SEZ6L: variants seen among roughly 807,000 people sequenced by gnomAD.
The protein encoded by SEZ6L is seizure 6-like protein.
SEZ6L carries 37 observed loss-of-function variants against 106.2 expected under a neutral mutation model. That is an observed-to-expected ratio of 0.35 (90% CI 0.27 to 0.46). SEZ6L has a LOEUF of 0.46. Ranked by LOEUF, SEZ6L falls within the 20% of genes least tolerant of loss-of-function variation. The pLI is 1.00. For missense variants in SEZ6L, 1,172 were observed against 1,332.8 expected (o/e 0.88, Z 1.88); for synonymous variants, 541 against 570.4 (o/e 0.95, Z 0.73).
Position 26,224,252 on chromosome 22 carries a change from T to C in SEZ6L, c.94+54489T>C, listed in dbSNP as rs186870583. ...CATGCTGGCTCTCTCAGAGGTTCTATAACCAAGAGGGAGTTAGGGAGATTT... is the reference window on the plus strand; with the variant it reads ...CATGCTGGCTCTCTCAGAGGTTCTACAACCAAGAGGGAGTTAGGGAGATTT... On this transcript the variant is annotated intron_variant, in intron 1 of 16. Transcript: ENST00000248933. Among the ~76,000 whole-genome samples, 588 of 152,308 alleles carry C rather than the reference T, an allele frequency of 3.9e-3. 2 individuals carry two copies. The highest frequency in any genetic ancestry group is 6.2e-3 in the South Asian group (30 of 4,822).
chr22:26,209,099 A>G (rs1299325955), intron 1 of SEZ6L, among the ~76,000 whole-genome samples: 2 of 152,016 alleles, frequency 1.3e-5, no homozygotes, highest in East Asian at 3.9e-4. Context: ...GAGTTTTTAT[A>G]CTTTTTACTT....
intron 1 of SEZ6L, among the ~76,000 whole-genome samples, chr22:26,198,748 C>G (rs1355393008): frequency 6.6e-6 from 1 of 152,216 alleles, no homozygotes; most frequent in Non-Finnish European, 1.5e-5. Context: ...TATAAGGGCT[C>G]TGATCCCATT....
intron 12 of SEZ6L, among the ~76,000 whole-genome samples, chr22:26,354,545 C>T (rs1295709746): frequency 2.0e-5 from 3 of 152,310 alleles, no homozygotes. Flanking sequence ...GTGTCATTCC[C>T]ATTTCCTTCT....
At position 26,380,353 on chromosome 22, in the gene SEZ6L, T is replaced by C; in HGVS notation, c.*58T>C. Reference sequence around the variant, plus strand: ...CTCAACCACAATCTCCTCGAGACATTCATCCAGAGACCATGTGGCACTTGA... The same window carrying C: ...CTCAACCACAATCTCCTCGAGACATCCATCCAGAGACCATGTGGCACTTGA... On this transcript the variant is annotated 3_prime_UTR_variant, in exon 17 of 17. Coordinates refer to ENST00000248933, the MANE Select transcript of SEZ6L (RefSeq NM_021115.5). 1 of 1,434,380 alleles carries C rather than the reference T, an allele frequency of 7.0e-7. No homozygotes were observed. Among genetic ancestry groups the C allele is most frequent in the Non-Finnish European group, 9.8e-7 (1 of 1,017,250 alleles). 88.9% of individuals were successfully genotyped at this position (1,434,380 alleles called of 1,614,324 possible). A position where few individuals can be genotyped will look rare whatever the true frequency, so the allele number is the denominator to read the frequency against.
chr22:26,319,346 T>C (rs1332886840), intron 9 of SEZ6L, among the ~76,000 whole-genome samples: 1 of 152,218 alleles, frequency 6.6e-6, no homozygotes, highest in East Asian at 1.9e-4. Flanking sequence ...TCAGTGATCC[T>C]GTTACAACCG....
In SEZ6L at chr22:26,272,218, T is replaced by C. The variant is rs1351233919; in HGVS notation, c.95-20188T>C. 3.3e-5 allele frequency among the ~76,000 whole-genome samples: 5 copies of C among 152,228 alleles called. No individual in the cohort carries two copies. The East Asian group carries it at 9.6e-4, about 29-fold the overall frequency. On this transcript the variant is annotated intron_variant, in intron 1 of 16. Coordinates refer to ENST00000248933, the MANE Select transcript of SEZ6L (RefSeq NM_021115.5). ...GTGATGGAAATGTTTTGCATATTTA[T>C]CTGGTAGCTATTTATCTAGGTCCTA...
chr22:26,282,656 G>C (rs1044471264), intron 1 of SEZ6L, among the ~76,000 whole-genome samples: 7 of 152,178 alleles, frequency 4.6e-5, no homozygotes, highest in Non-Finnish European at 1.0e-4. Flanking sequence ...GCGGCATCTA[G>C]AGAAAGCTCG....
intron 5 of SEZ6L, among the ~76,000 whole-genome samples, chr22:26,305,491 G>A (rs981443048): frequency 6.6e-6 from 1 of 152,164 alleles, no homozygotes; most frequent in East Asian, 1.9e-4. Flanking sequence ...TATCTTGGCC[G>A]ATTAGGTGGA....
At chr22:26,357,750 A>G (rs891743164) in intron 12 of SEZ6L, among the ~76,000 whole-genome samples, 2 of 152,204 alleles carry the variant, frequency 1.3e-5, no homozygotes, top group Admixed American at 1.3e-4. Context: ...ACTGTCGTTG[A>G]TATTGTTAGC....
intron 1 of SEZ6L, among the ~76,000 whole-genome samples, chr22:26,230,448 G>T (rs556305839): frequency 6.6e-6 from 1 of 152,292 alleles, no homozygotes; most frequent in East Asian, 1.9e-4. Context: ...CTAACTCTGC[G>T]CCAGGCACAG....
intron 5 of SEZ6L, among the ~76,000 whole-genome samples, chr22:26,301,756 C>T (rs909174035): frequency 1.3e-5 from 2 of 152,110 alleles, no homozygotes. Flanking sequence ...GGAAACATTC[C>T]AGGCAGATGC....
At chr22:26,350,209 C>CACATATATATATATATATATTTATAT (rs1569474506) in intron 11 of SEZ6L, among the ~76,000 whole-genome samples, 4 of 127,914 alleles carry the variant, frequency 3.1e-5, no homozygotes, top group African/African-American at 1.4e-4. Flanking sequence ...TATATATATA[C>CACATATATATATATATATATTTATAT]ACATATATAT....
intron 1 of SEZ6L, among the ~76,000 whole-genome samples, chr22:26,199,417 C>T (rs1213868050): frequency 6.6e-6 from 1 of 152,126 alleles, no homozygotes; most frequent in African/African-American, 2.4e-5. Flanking sequence ...TAACTTGTAT[C>T]TATTCATCCG....
chr22:26,185,179 G>A (rs561540107), intron 1 of SEZ6L, among the ~76,000 whole-genome samples: 1 of 152,210 alleles, frequency 6.6e-6, no homozygotes, highest in Non-Finnish European at 1.5e-5. Flanking sequence ...ATGTGAAGGG[G>A]TTAAAAAGAG....
intron 1 of SEZ6L, among the ~76,000 whole-genome samples, chr22:26,248,393 T>C (rs1241359487): frequency 6.6e-6 from 1 of 152,228 alleles, no homozygotes; most frequent in African/African-American, 2.4e-5. Flanking sequence ...CTCACTCTTT[T>C]GCTCCAGCTG....
chr22:26,186,458 G>A (rs1939788572), intron 1 of SEZ6L, among the ~76,000 whole-genome samples: 1 of 152,102 alleles, frequency 6.6e-6, no homozygotes, highest in Admixed American at 6.5e-5. Context: ...AATATAAATG[G>A]GAAAGTTGGA....
chr22:26,169,714 G>T lies in SEZ6L; in HGVS notation c.45G>T (p.Ser15=). ...CCGCCGCGGGACTCCGCGGGATCTC[G>T]CTGTTCCTCGCTCTGCTCCTGGGGA... ...RPPAAGLRGI[S]LFLALLLGSP... Residue 15 remains serine, a synonymous_variant, in exon 1 of 17, where the codon TCG becomes TCT. Transcript: ENST00000248933. The T allele has an allele frequency of 3.1e-6, 4 of 1,301,514 alleles. No homozygotes were observed. In the South Asian group the frequency reaches 7.0e-5, roughly 23 times the overall value. The allele number at this position is 1,301,514 out of a possible 1,614,324, so 80.6% of individuals were successfully genotyped here. A position where few individuals can be genotyped will look rare whatever the true frequency, so the allele number is the denominator to read the frequency against.
intron 1 of SEZ6L, among the ~76,000 whole-genome samples, chr22:26,186,008 C>G (rs1939751728): frequency 1.3e-5 from 2 of 151,934 alleles, no homozygotes. Context: ...TTTTAATAAG[C>G]CAAATAAATG....
At chr22:26,255,303 G>A (rs1191796834) in intron 1 of SEZ6L, among the ~76,000 whole-genome samples, 1 of 152,126 alleles carries the variant, frequency 6.6e-6, no homozygotes, top group Non-Finnish European at 1.5e-5. Context: ...CTTCCCTCGG[G>A]AGCCTGGTTA....
Sources: allele counts gnomAD v4.1 joint callset (sites outside exome capture counted in the v4.1 genomes callset), GRCh38; gene constraint gnomAD v4.1.1; transcripts MANE v1.5; gene names NCBI Gene and HGNC (gene_info 2026-07-23, HGNC 2026-07-21).